Variants in TRHDE observed in about 807,000 individuals in gnomAD.
TRHDE encodes thyrotropin-releasing hormone-degrading ectoenzyme.
In TRHDE, 72 loss-of-function variants were observed where a neutral mutation model predicts 125.7. The ratio of observed to expected loss-of-function variants is 0.57; its 90% CI spans 0.47 to 0.70. The LOEUF (loss-of-function observed/expected upper bound fraction) is 0.70. Among genes scored for constraint, TRHDE ranks in the 30% least tolerant of loss-of-function variants. The pLI is 0.00. For synonymous variants in TRHDE, 509 were observed against 509.1 expected (o/e 1.00, Z 0.00); for missense variants, 1,110 against 1,327.1 (o/e 0.84, Z 2.54).
intron 12 of TRHDE, among the ~76,000 whole-genome samples, chr12:72,595,344 G>A (rs971153206): frequency 6.6e-6 from 1 of 150,426 alleles, no homozygotes; most frequent in Non-Finnish European, 1.5e-5. Context: ...TTTTTATTAC[G>A]AATTATCTAC....
At chr12:72,306,492 T>A (rs1156251073) in intron 2 of TRHDE, among the ~76,000 whole-genome samples, 1 of 152,192 alleles carries the variant, frequency 6.6e-6, no homozygotes, top group Non-Finnish European at 1.5e-5. Context: ...CATTTTAAAT[T>A]TATATTAAAC....
chr12:72,521,263 C>A (rs1195096632), intron 6 of TRHDE, among the ~76,000 whole-genome samples: 1 of 152,288 alleles, frequency 6.6e-6, no homozygotes, highest in East Asian at 1.9e-4. Context: ...AAAGAGTCTA[C>A]CTTGATGAGA....
At chr12:72,109,657 G>C (rs1000034002) in intron 2 of TRHDE, among the ~76,000 whole-genome samples, 6 of 86,062 alleles carry the variant, frequency 7.0e-5, no homozygotes, top group Non-Finnish European at 1.7e-4. Context: ...AAGGTGAAAG[G>C]AAAAAATACC....
At chr12:72,556,220 A>C (rs1361445226) in intron 7 of TRHDE, among the ~76,000 whole-genome samples, 1 of 152,198 alleles carries the variant, frequency 6.6e-6, no homozygotes, top group East Asian at 1.9e-4. Context: ...ACGGGTTGCC[A>C]AGATAATGTA....
chr12:72,621,157 C>T lies in TRHDE; in HGVS notation c.2519C>T (p.Pro840Leu), dbSNP rs1190546035. The T allele has an allele frequency of 3.7e-6, 6 of 1,612,028 alleles. No individual in the cohort carries two copies. The highest frequency in any genetic ancestry group is 5.1e-6 in the Non-Finnish European group (6 of 1,178,832). ...ACAACATATATCAAGCTTGGGTGGC[C>T]GAAAAATAATTTTAATGGATCTCTT... ...VATTYIKLGW[P>L]KNNFNGSLVQ... Residue 840 changes from proline (P) to leucine (L), a missense_variant, in exon 14 of 19, where the codon CCG becomes CTG. Pro to Leu is a moderately conservative substitution (Grantham distance 98). This residue lies in a region of TRHDE where 527 missense variants were observed against 651.8 expected (regional missense o/e 0.81). Transcript: ENST00000261180.
At chr12:72,274,565 A>T (rs1170696111) in intron 1 of TRHDE, 1 of 152,146 alleles carries the variant, frequency 6.6e-6, no homozygotes, top group Non-Finnish European at 1.5e-5. Flanking sequence ...CCATGTACTC[A>T]ATCCGACAAG....
At chr12:72,573,944 T>C (rs1481170754) in intron 10 of TRHDE, among the ~76,000 whole-genome samples, 1 of 152,022 alleles carries the variant, frequency 6.6e-6, no homozygotes, top group Non-Finnish European at 1.5e-5. Context: ...ATATTAGAAA[T>C]GATAAAGATT....
intron 1 of TRHDE, among the ~76,000 whole-genome samples, chr12:72,274,127 G>A (rs972272732): frequency 6.6e-6 from 1 of 152,228 alleles, no homozygotes; most frequent in Non-Finnish European, 1.5e-5. Context: ...GAGATTCGGA[G>A]TGAAAAGAGT....
At position 72,648,610 on chromosome 12, in the gene TRHDE, T is replaced by C. The variant is rs556520583; in HGVS notation, c.2676-3712T>C. ...GTTTCTGTACACTAACAATAAACTA[T>C]CTGAAAAGTAACTCAGGAAAGCAAT... On this transcript the variant is annotated intron_variant, in intron 15 of 18. Coordinates refer to ENST00000261180, the MANE Select transcript of TRHDE (RefSeq NM_013381.3). 4.2e-4 allele frequency among the ~76,000 whole-genome samples: 64 copies of C among 151,950 alleles called. No homozygotes were observed. The South Asian group carries it at 0.012, about 28-fold the overall frequency.
intron 2 of TRHDE, among the ~76,000 whole-genome samples, chr12:72,341,329 A>C (rs1870078521): frequency 6.8e-6 from 1 of 146,606 alleles, no homozygotes. Flanking sequence ...AAGTGATCTC[A>C]TTGTTCAATT....
intron 1 of TRHDE, among the ~76,000 whole-genome samples, chr12:72,096,382 C>G (rs936785308): frequency 2.6e-5 from 4 of 152,232 alleles, no homozygotes; most frequent in Non-Finnish European, 4.4e-5. Flanking sequence ...AAATCTTTAA[C>G]AATTATGTCA....
chr12:72,534,823 C>T (rs1392216033), intron 6 of TRHDE, among the ~76,000 whole-genome samples: 1 of 151,680 alleles, frequency 6.6e-6, no homozygotes. Context: ...TATAGGATCA[C>T]AAAGGATTAA....
chr12:72,283,394 G>A (rs949665631), intron 1 of TRHDE, among the ~76,000 whole-genome samples: 2 of 152,044 alleles, frequency 1.3e-5, no homozygotes, highest in Admixed American at 1.3e-4. Flanking sequence ...GACTTCTTTT[G>A]ATTTTCTAAA....
At chr12:72,338,926 T>C (rs1212784302) in intron 2 of TRHDE, among the ~76,000 whole-genome samples, 1 of 152,202 alleles carries the variant, frequency 6.6e-6, no homozygotes, top group Non-Finnish European at 1.5e-5. Flanking sequence ...TCTTTTGAAA[T>C]TGGCCTTACA....
intron 3 of TRHDE, among the ~76,000 whole-genome samples, chr12:72,427,622 G>A (rs535150451): frequency 3.9e-5 from 6 of 152,168 alleles, no homozygotes; most frequent in East Asian, 3.9e-4. Flanking sequence ...CTTAATGATC[G>A]TTATTGCAAT....
intron 2 of TRHDE, among the ~76,000 whole-genome samples, chr12:72,157,343 A>T (rs1242729833): frequency 6.6e-6 from 1 of 152,208 alleles, no homozygotes; most frequent in Non-Finnish European, 1.5e-5. Context: ...GCTTTTGAGC[A>T]GAAGAGTGAC....
chr12:72,472,576 T>G (rs984669702), intron 4 of TRHDE, among the ~76,000 whole-genome samples: 1 of 152,184 alleles, frequency 6.6e-6, no homozygotes, highest in African/African-American at 2.4e-5. Flanking sequence ...ACATACCTCC[T>G]GTGATGAACT....
In TRHDE at chr12:72,454,720, G is replaced by C. The variant is rs59962249; in HGVS notation, c.1316-15038G>C. 4.6e-3 allele frequency among the ~76,000 whole-genome samples: 699 copies of C among 152,260 alleles called. 9 individuals carry two copies. The highest frequency in any genetic ancestry group is 0.016 in the African/African-American group (669 of 41,546). ...TACATATAAGTAGTCTGAGGATCTT[G>C]TTAAAATGCATATTCTGATTCAGTT... On this transcript the variant is annotated intron_variant, in intron 3 of 18. Coordinates refer to ENST00000261180, the MANE Select transcript of TRHDE (RefSeq NM_013381.3).
Position 72,473,219 on chromosome 12 carries a change from G to T in TRHDE, c.1584+39G>T, listed in dbSNP as rs766691824. 1.2e-5 allele frequency: 18 copies of T among 1,504,750 alleles called. No homozygotes were observed. In the South Asian group the frequency reaches 1.9e-4, roughly 16 times the overall value. The allele number at this position is 1,504,750 out of a possible 1,614,324, so 93.2% of individuals were successfully genotyped here. The stretch of plus-strand genomic sequence containing the variant: ...AATTATTTGAAACTTTTAGTAAAAG[G>T]CCGATCTAGTGTTACATTAGGCTTA... On this transcript the variant is annotated intron_variant, in intron 5 of 18. Coordinates refer to ENST00000261180, the MANE Select transcript of TRHDE (RefSeq NM_013381.3).
Sources: allele counts gnomAD v4.1 joint callset (sites outside exome capture counted in the v4.1 genomes callset), GRCh38; gene constraint gnomAD v4.1.1; regional missense constraint gnomAD v4.1.1; transcripts MANE v1.5; gene names NCBI Gene and HGNC (gene_info 2026-07-23, HGNC 2026-07-21).